MED23: variants seen among roughly 807,000 people sequenced by gnomAD.
MED23 encodes the protein mediator of RNA polymerase II transcription subunit 23.
Under a neutral mutation model 163.9 loss-of-function variants are expected in MED23, and 105 were observed. The ratio of observed to expected loss-of-function variants is 0.64; its 90% confidence interval spans 0.55 to 0.75. The LOEUF is 0.75. MED23 is among the 30% of genes least tolerant of loss of function. The pLI is 0.00. For synonymous variants in MED23, 561 were observed against 565.6 expected, an observed-to-expected ratio of 0.99 and a Z score of 0.12; for missense variants, 1,054 against 1,649.0, an observed-to-expected ratio of 0.64 and a Z score of 6.25.
At chr6:131,582,151 T>C (rs926292103), downstream of MED23, among the ~76,000 whole-genome samples, 3 of 152,206 alleles carry the variant, frequency 2.0e-5, no homozygotes, top group Admixed American at 6.5e-5. Flanking sequence ...GATGGGTTTA[T>C]AAACTTGCAA....
chr6:131,594,805 AAAACAAACAAAC>A (rs149049119), intron 22 of MED23, among the ~76,000 whole-genome samples: 1 of 72,904 alleles, frequency 1.4e-5, no homozygotes, highest in Non-Finnish European at 3.8e-5. Flanking sequence ...CACTTGTGTT[AAAACAAACAAAC>A]AAACAAACAA....
rs1284029167 is a variant in MED23 at position 131,598,446 on chromosome 6, G to C, written c.2448C>G (p.Ala816=). Residue 816 remains alanine, a synonymous_variant, in exon 20 of 29, where the codon GCC becomes GCG. Coordinates refer to ENST00000368068, the MANE Select transcript of MED23 (RefSeq NM_004830.4). This position sits in a 1 kb window ranked among gnomAD's most constrained non-coding sequence, Gnocchi z 4.7. Reference sequence around the variant, plus strand: ...TCCTCACATGGGCTACCAAGGCCCTGGCTCCAATTCTCTCTAATACTCTGG... The same window carrying C: ...TCCTCACATGGGCTACCAAGGCCCTCGCTCCAATTCTCTCTAATACTCTGG... The part of the protein sequence containing the change: ...IGYRVLERIG[A]RALVAHVRTF... 6.2e-7 allele frequency: 1 copy of C among 1,614,028 alleles called. No homozygotes were observed. Among genetic ancestry groups the C allele is most frequent in the Non-Finnish European group, 8.5e-7 (1 of 1,180,036 alleles).
chr6:131,594,588 T>A (rs546561060), intron 22 of MED23, among the ~76,000 whole-genome samples: 3 of 152,290 alleles, frequency 2.0e-5, no homozygotes, highest in Non-Finnish European at 4.4e-5. Flanking sequence ...TCTGAAAATT[T>A]ATCCTGCATA....
At chr6:131,607,723 G>T (rs899481723) in intron 12 of MED23, among the ~76,000 whole-genome samples, 1 of 152,142 alleles carries the variant, frequency 6.6e-6, no homozygotes, top group Non-Finnish European at 1.5e-5. Context: ...GCCATTCAAT[G>T]ATGTATATAG....
At position 131,602,879 on chromosome 6, in the gene MED23, G is replaced by A. The variant is rs1359750754; in HGVS notation, c.1931+151C>T. On this transcript the variant is annotated intron_variant, in intron 16 of 28. Transcript: ENST00000368068. ...AAAAGCTGGACTCTGCTCCTATACT[G>A]GAAACAAAATACTTTAGAAGCAGAG... 3.8e-6 allele frequency: 3 copies of A among 797,334 alleles called. No homozygotes were observed. The African/African-American group carries it at 5.3e-5, about 14-fold the overall frequency. The allele number at this position is 797,334 out of a possible 1,614,324, so 49.4% of individuals were successfully genotyped here.
chr6:131,625,976 G>A (rs2114787842), intron 3 of MED23, among the ~76,000 whole-genome samples: 1 of 151,810 alleles, frequency 6.6e-6, no homozygotes, highest in South Asian at 2.1e-4. Flanking sequence ...CAAAAAATGA[G>A]CCGGGCGTGA....
chr6:131,618,344 T>C (rs1485243350), intron 9 of MED23, 63 bp downstream of exon 9: 4 of 1,053,306 alleles, frequency 3.8e-6, no homozygotes, highest in African/African-American at 1.6e-5. Flanking sequence ...GCATCACATA[T>C]CTTATAATCT....
At chr6:131,622,882 C>T (rs987293874) in intron 5 of MED23, among the ~76,000 whole-genome samples, 3 of 152,120 alleles carry the variant, frequency 2.0e-5, no homozygotes, top group African/African-American at 4.8e-5. Context: ...GTCCCTAAGC[C>T]GTTTTATGAG....
At chr6:131,580,592 A>G (rs558197443) in intron 30 of MED23, among the ~76,000 whole-genome samples, 9 of 152,330 alleles carry the variant, frequency 5.9e-5, no homozygotes, top group Non-Finnish European at 1.3e-4. Context: ...TATGTCTTCC[A>G]TTCCAGCAAA....
Position 131,598,183 on chromosome 6 carries a change from A to G in MED23, c.2607+104T>C. The G allele has an allele frequency of 8.6e-7, 1 of 1,156,154 alleles. No individual in the cohort carries two copies. The highest frequency in any genetic ancestry group is 1.3e-6 in the Non-Finnish European group (1 of 785,200). 71.6% of individuals were successfully genotyped at this position (1,156,154 alleles called of 1,614,324 possible). A position where few individuals can be genotyped will look rare whatever the true frequency, so the allele number is the denominator to read the frequency against. On this transcript the variant is annotated intron_variant, in intron 20 of 28. Coordinates refer to ENST00000368068, the MANE Select transcript of MED23 (RefSeq NM_004830.4). This position sits in a 1 kb window ranked among gnomAD's most constrained non-coding sequence, Gnocchi z 4.7. ...TGACAGCAATGCTTGATATAGTATA[A>G]ATTCATTAAATCCTTCAAAGCAATA...
At chr6:131,601,675 A>T (rs1283220729) in intron 17 of MED23, among the ~76,000 whole-genome samples, 1 of 152,226 alleles carries the variant, frequency 6.6e-6, no homozygotes, top group Admixed American at 6.5e-5. Flanking sequence ...ATGTCTAAGC[A>T]GATGAGAATC....
intron 15 of MED23, 115 bp downstream of exon 15, chr6:131,604,063 A>T: frequency 9.8e-7 from 1 of 1,017,730 alleles, no homozygotes; most frequent in Non-Finnish European, 1.5e-6. Context: ...GTCCTCCTCC[A>T]TAAGCTCCAT....
In MED23 at chr6:131,590,517, A is replaced by G. The variant is rs1774524615; in HGVS notation, c.3687-75T>C. 6.4e-6 allele frequency: 6 copies of G among 930,766 alleles called. No homozygotes were observed. The Admixed American group carries it at 1.2e-4, about 19-fold the overall frequency. The allele number at this position is 930,766 out of a possible 1,614,324, so 57.7% of individuals were successfully genotyped here. On this transcript the variant is annotated intron_variant, in intron 26 of 28. Coordinates refer to ENST00000368068, the MANE Select transcript of MED23 (RefSeq NM_004830.4). ...TTTGAATTTTGTTCATACAGTATATACAAAGTATTACAATAAAATATAATT... is the reference window on the plus strand; with the variant it reads ...TTTGAATTTTGTTCATACAGTATATGCAAAGTATTACAATAAAATATAATT...
chr6:131,586,519 GAAAAT>G (rs1265487736), downstream of MED23, among the ~76,000 whole-genome samples: 1 of 152,136 alleles, frequency 6.6e-6, no homozygotes, highest in Non-Finnish European at 1.5e-5. Context: ...GAGCTACAAA[GAAAAT>G]AAAGTTCTAG....
downstream of MED23, chr6:131,584,107 A>C: frequency 1.6e-6 from 1 of 621,260 alleles, no homozygotes; most frequent in Non-Finnish European, 2.7e-6. Context: ...TTAAAAGCTT[A>C]TATTTTCTAA....
chr6:131,605,330 G>C lies in MED23; in HGVS notation c.1523C>G (p.Pro508Arg), dbSNP rs1343513201. Residue 508 changes from proline (P) to arginine (R), a missense_variant, in exon 14 of 29, where the codon CCT becomes CGT. Transcript: ENST00000368068. ...TIYGNGIMRI[P>R]LPGTNCMASG... ...AGCCATACAGTTTGTTCCAGGGAGA[G>C]GTATCCTCATAATTCCATTTCCATA... 1 of 1,613,150 alleles carries C rather than the reference G, an allele frequency of 6.2e-7. No homozygotes were observed. Among genetic ancestry groups the C allele is most frequent in the Admixed American group, 1.7e-5 (1 of 59,948 alleles).
intron 10 of MED23, chr6:131,615,234 A>G: frequency 2.7e-6 from 4 of 1,482,620 alleles, no homozygotes; most frequent in Non-Finnish European, 3.8e-6. Context: ...TCAAGCCCCG[A>G]CCATACACGT....
At chr6:131,592,514 G>A in intron 24 of MED23, 54 bp from the exon 25 acceptor site, 2 of 1,406,284 alleles carry the variant, frequency 1.4e-6, no homozygotes, top group Non-Finnish European at 2.0e-6. Context: ...ATTTTAGATG[G>A]CTGACAACGG....
intron 22 of MED23, 65 bp downstream of exon 22, chr6:131,595,882 G>C (rs1036200553): frequency 8.4e-7 from 1 of 1,195,704 alleles, no homozygotes; most frequent in Non-Finnish European, 1.2e-6. Context: ...ATTACCATGT[G>C]GTCCTGCCCA....
Sources: allele counts gnomAD v4.1 joint callset (sites outside exome capture counted in the v4.1 genomes callset), GRCh38; gene constraint gnomAD v4.1.1; non-coding constraint Gnocchi (gnomAD v3.1); transcripts MANE v1.5; gene names NCBI Gene and HGNC (gene_info 2026-07-23, HGNC 2026-07-21).